Variants in NUP58 observed in about 807,000 individuals in gnomAD.
NUP58 encodes the protein nucleoporin p58/p45.
In NUP58, 17 loss-of-function variants were observed where a neutral mutation model predicts 70.1. The ratio of observed to expected loss-of-function variants is 0.24; its 90% confidence interval spans 0.17 to 0.36. NUP58 has a LOEUF of 0.36. NUP58 is among the 10% of genes least tolerant of loss of function. NUP58 has a pLI of 1.00. For synonymous variants in NUP58, 275 were observed against 257.6 expected, an observed-to-expected ratio of 1.07 and a Z score of -0.65; for missense variants, 644 against 701.5, an observed-to-expected ratio of 0.92 and a Z score of 0.93.
chr13:25,317,320 G>A (rs2137759715), intron 6 of NUP58, among the ~76,000 whole-genome samples: 1 of 152,182 alleles, frequency 6.6e-6, no homozygotes, highest in South Asian at 2.1e-4. Context: ...AGGCAATTTG[G>A]GTCTATTAAA....
In NUP58 at chr13:25,325,045, A is replaced by G; in HGVS notation, c.1008A>G (p.Gln336=). 5.6e-6 allele frequency: 9 copies of G among 1,611,410 alleles called. No individual in the cohort carries two copies. The highest frequency in any genetic ancestry group is 7.6e-6 in the Non-Finnish European group (9 of 1,178,862). Residue 336 remains glutamine, a synonymous_variant, in exon 10 of 16, where the codon CAA becomes CAG. Coordinates refer to ENST00000381736, the MANE Select transcript of NUP58 (RefSeq NM_014089.4). Reference sequence around the variant, plus strand: ...CCCAGAAGACACCACCTGGACTTCAACATGAATATGCAGCTCCTGCTGAGT... The same window carrying G: ...CCCAGAAGACACCACCTGGACTTCAGCATGAATATGCAGCTCCTGCTGAGT... ...LRTQKTPPGL[Q]HEYAAPADYF...
Position 25,307,868 on chromosome 13 carries a change from C to G in NUP58, c.170C>G (p.Ser57Cys). The G allele has an allele frequency of 6.2e-7, 1 of 1,614,142 alleles. No homozygotes were observed. The highest frequency in any genetic ancestry group is 1.1e-5 in the South Asian group (1 of 91,084). ...AGTACTTCAACTCCAGCAACTACAT[C>G]TGCTCCTTCAAGTGGTTTTGGAACC... ...LGSTSTPATTSAPSSGFGTGL... is the reference protein window; with the variant it reads ...LGSTSTPATTCAPSSGFGTGL... The change falls in exon 2 of 16, where the codon TCT becomes TGT. Residue 57 changes from serine to cysteine, a missense_variant. Physicochemically the swap from Ser to Cys is moderately radical, Grantham distance 112. Around this residue, in one of 4 missense-constraint regions of NUP58, gnomAD observed 430 missense variants for 409.2 expected, o/e 1.05. Coordinates refer to ENST00000381736, the MANE Select transcript of NUP58 (RefSeq NM_014089.4).
chr13:25,306,823 C>A (rs2030385869), intron 1 of NUP58, among the ~76,000 whole-genome samples: 1 of 152,074 alleles, frequency 6.6e-6, no homozygotes, highest in Non-Finnish European at 1.5e-5. Context: ...TGTTCACTTT[C>A]ACTTGTTTTT....
intron 11 of NUP58, 143 bp downstream of exon 11, chr13:25,327,177 A>AT: frequency 1.7e-6 from 1 of 571,938 alleles, no homozygotes; most frequent in Non-Finnish European, 3.1e-6. Flanking sequence ...TTTATTCCCT[A>AT]TAAATATAAT....
chr13:25,305,135 T>TTTTTTTTTTTG (rs2030262970), intron 1 of NUP58, among the ~76,000 whole-genome samples: 1 of 8,202 alleles, frequency 1.2e-4, no homozygotes, highest in Non-Finnish European at 3.2e-3. Flanking sequence ...GTGGGGTTTT[T>TTTTTTTTTTTG]TTTTTTTTTT....
At chr13:25,323,957 T>A (rs1319780001) in intron 9 of NUP58, among the ~76,000 whole-genome samples, 1 of 152,142 alleles carries the variant, frequency 6.6e-6, no homozygotes, top group Non-Finnish European at 1.5e-5. Flanking sequence ...CAAGTGGGCA[T>A]TTTTATCATC....
chr13:25,312,777 A>G, intron 3 of NUP58, 106 bp from the exon 4 acceptor site: 2 of 1,022,616 alleles, frequency 2.0e-6, no homozygotes, highest in South Asian at 1.6e-5. Context: ...GGCAAAAGGT[A>G]GTATCATGAA....
chr13:25,316,225 G>A (rs1421335611), intron 6 of NUP58, among the ~76,000 whole-genome samples: 2 of 152,114 alleles, frequency 1.3e-5, no homozygotes, highest in Non-Finnish European at 2.9e-5. Flanking sequence ...CCCTTGCCAC[G>A]TTGAATCTTG....
At chr13:25,336,837 G>C (rs1195538938) in intron 13 of NUP58, 99 bp from the exon 14 acceptor site, 1 of 766,670 alleles carries the variant, frequency 1.3e-6, no homozygotes, top group Non-Finnish European at 2.0e-6. Flanking sequence ...AGTAATCACT[G>C]TTCATTTTAA....
In NUP58 at chr13:25,307,917, C is replaced by A. The variant is rs1311032695; in HGVS notation, c.219C>A (p.Ala73=). ...FGTGLFGSKP[A]TGFTLGGTNT... is the part of the protein sequence containing the mutation. ...CCGGGCTCTTTGGATCTAAACCTGC[C>A]ACTGGGTTCACTCTAGGAGGAACAA... Residue 73 remains alanine (A), a synonymous_variant, in exon 2 of 16, where the codon GCC becomes GCA. Transcript: ENST00000381736. 6.2e-7 allele frequency: 1 copy of A among 1,614,080 alleles called. No individual in the cohort carries two copies. The highest frequency in any genetic ancestry group is 8.5e-7 in the Non-Finnish European group (1 of 1,180,004).
intron 1 of NUP58, chr13:25,302,937 C>T (rs1283288788): frequency 2.2e-6 from 1 of 456,466 alleles, no homozygotes; most frequent in Non-Finnish European, 4.4e-6. Context: ...TTCCACAACC[C>T]TGCTTAGGCT....
In NUP58 at chr13:25,316,413, G is replaced by A. The variant is rs189085650; in HGVS notation, c.685+946G>A. Among the ~76,000 whole-genome samples the A allele has an allele frequency of 4.9e-3, 748 of 151,264 alleles. 3 individuals carry two copies. Among genetic ancestry groups the A allele is most frequent in the Non-Finnish European group, 6.3e-3 (429 of 67,820 alleles). The stretch of plus-strand genomic sequence containing the variant: ...CTTCTCTGAAGAAAGATAAATGGAT[G>A]AAGCTGTGAAATAGTATCTGTGTAT... On this transcript the variant is annotated intron_variant, in intron 6 of 15. Coordinates refer to ENST00000381736, the MANE Select transcript of NUP58 (RefSeq NM_014089.4).
chr13:25,332,046 A>G lies in NUP58; in HGVS notation c.1435+488A>G, dbSNP rs541486268. The stretch of plus-strand genomic sequence containing the variant: ...CTTTTATTGACTGAAGGTATGTTGA[A>G]GATCAATAGGCTTGTTTGTATGTAT... On this transcript the variant is annotated intron_variant, in intron 13 of 15. Transcript: ENST00000381736. 28 of 1,007,412 alleles carry G rather than the reference A, an allele frequency of 2.8e-5. 1 individual carries two copies. In the South Asian group the frequency reaches 1.1e-3, roughly 39 times the overall value. 62.4% of individuals were successfully genotyped at this position (1,007,412 alleles called of 1,614,324 possible).
rs1343011566 is a variant in NUP58, at chr13:25,332,366, T to A, written c.1435+808T>A. ...GTCTTTCGGAGGTTAATAGTTATCT[T>A]AATCCTGCCATCCCTTTTGTCAGGT... On this transcript the variant is annotated intron_variant, in intron 13 of 15. Transcript: ENST00000381736. 5.1e-6 allele frequency: 5 copies of A among 985,316 alleles called. 1 individual carries two copies. The East Asian group carries it at 5.7e-4, about 112-fold the overall frequency. The allele number at this position is 985,316 out of a possible 1,614,324, so 61.0% of individuals were successfully genotyped here.
intron 13 of NUP58, chr13:25,334,719 CT>C: frequency 1.0e-6 from 1 of 980,446 alleles, no homozygotes; most frequent in Non-Finnish European, 1.2e-6. Flanking sequence ...CACTTTAGTC[CT>C]TTTTCTGTTA....
intron 9 of NUP58, among the ~76,000 whole-genome samples, chr13:25,322,882 C>T (rs186771510): frequency 3.3e-5 from 5 of 152,164 alleles, no homozygotes; most frequent in Admixed American, 2.6e-4. Flanking sequence ...AATGTTTAGA[C>T]TGTGATTAAA....
Position 25,320,696 on chromosome 13 carries a change from T to A in NUP58, c.776+101T>A, listed in dbSNP as rs2031143889. 3.5e-6 allele frequency: 3 copies of A among 851,824 alleles called. No individual in the cohort carries two copies. In the South Asian group the frequency reaches 5.1e-5, roughly 15 times the overall value. The allele number at this position is 851,824 out of a possible 1,614,324, so 52.8% of individuals were successfully genotyped here. A position where few individuals can be genotyped will look rare whatever the true frequency, so the allele number is the denominator to read the frequency against. ...CCTAAAATCGCATCCTAGAGGAGCATCTCTTAACTAGGGTTAAAATGTTAG... is the reference window on the plus strand; with the variant it reads ...CCTAAAATCGCATCCTAGAGGAGCAACTCTTAACTAGGGTTAAAATGTTAG... On this transcript the variant is annotated intron_variant, in intron 8 of 15. Coordinates refer to ENST00000381736, the MANE Select transcript of NUP58 (RefSeq NM_014089.4).
At chr13:25,308,987 T>G (rs1258345035) in intron 2 of NUP58, among the ~76,000 whole-genome samples, 1 of 152,242 alleles carries the variant, frequency 6.6e-6, no homozygotes, top group Non-Finnish European at 1.5e-5. Context: ...TTTTTTGGTC[T>G]TGCTTAATTT....
intron 9 of NUP58, among the ~76,000 whole-genome samples, chr13:25,323,984 C>A (rs529270537): frequency 7.9e-4 from 121 of 152,210 alleles, no homozygotes; most frequent in Non-Finnish European, 1.4e-3. Context: ...GTGTAGAATA[C>A]CTTTACATTG....
Sources: gnomAD v4.1 joint callset for allele counts (sites outside exome capture counted in the v4.1 genomes callset) on GRCh38, gnomAD v4.1.1 for gene constraint, gnomAD v4.1.1 regional missense constraint, MANE v1.5 for transcripts, NCBI Gene and HGNC (gene_info 2026-07-23, HGNC 2026-07-21) for gene names.